Variants in RPH3AL observed in about 807,000 individuals in gnomAD.
The protein encoded by RPH3AL is rab effector Noc2.
Under a neutral mutation model 43.1 loss-of-function variants are expected in RPH3AL, and 38 were observed. That is an observed-to-expected ratio of 0.88 (90% CI 0.68 to 1.15). RPH3AL has a LOEUF of 1.15. Among genes scored for constraint, RPH3AL ranks in the 50% most tolerant of loss-of-function variants. The pLI, the probability that RPH3AL is intolerant of heterozygous loss-of-function variation, is 0.00. For synonymous variants in RPH3AL, 189 were observed against 176.3 expected (o/e 1.07, Z -0.57); for missense variants, 462 against 423.2 (o/e 1.09, Z -0.81).
intron 5 of RPH3AL, among the ~76,000 whole-genome samples, chr17:308,967 C>T (rs919201595): frequency 1.3e-5 from 2 of 152,146 alleles, no homozygotes; most frequent in Non-Finnish European, 2.9e-5. Context: ...CAAATCGCCA[C>T]CATCTCTAAG....
Position 283,188 on chromosome 17 carries a change from G to T in RPH3AL, c.352-1334C>A, listed in dbSNP as rs1175022924. Among the ~76,000 whole-genome samples the T allele has an allele frequency of 6.6e-6, 1 of 152,180 alleles. No individual in the cohort carries two copies. Among genetic ancestry groups the T allele is most frequent in the South Asian group, 2.1e-4 (1 of 4,834 alleles). ...TGCAGCCCCCCGCCGAGGGAAGGTTGCATCTGTTGCTTGGCCTTTTCTGCA... is the reference window on the plus strand; with the variant it reads ...TGCAGCCCCCCGCCGAGGGAAGGTTTCATCTGTTGCTTGGCCTTTTCTGCA... On this transcript the variant is annotated intron_variant, in intron 5 of 9. Coordinates refer to ENST00000331302, the MANE Select transcript of RPH3AL (RefSeq NM_006987.4). This position sits in a 1 kb window ranked among gnomAD's most constrained non-coding sequence, Gnocchi z 4.2.
At chr17:220,095 A>T (rs1407246826) in intron 7 of RPH3AL, among the ~76,000 whole-genome samples, 1 of 145,274 alleles carries the variant, frequency 6.9e-6, no homozygotes, top group African/African-American at 2.4e-5. Flanking sequence ...TGCAGGCACA[A>T]CAGATCTGAG....
intron 4 of RPH3AL, 112 bp from the exon 5 acceptor site, chr17:319,661 G>A (rs2044404800): frequency 7.6e-7 from 1 of 1,322,868 alleles, no homozygotes; most frequent in South Asian, 1.4e-5. Context: ...CTGGGATATT[G>A]TTCCTTGCCC....
At chr17:244,584 G>A (rs1256454698) in intron 7 of RPH3AL, among the ~76,000 whole-genome samples, 3 of 152,118 alleles carry the variant, frequency 2.0e-5, no homozygotes, top group Admixed American at 6.5e-5. Flanking sequence ...CGGGGCCCTC[G>A]GAGGCAGGGT....
chr17:327,801 T>C lies in RPH3AL; in HGVS notation c.-36-222A>G, dbSNP rs933841391. On this transcript the variant is annotated intron_variant, in intron 2 of 9. Transcript: ENST00000331302. ...TCTAGGAGGGTGACCAGGTGGATCA[T>C]GTGGCCGAGTGACAAGAGTGAACAT... Among the ~76,000 whole-genome samples, 38 of 152,174 alleles carry C rather than the reference T, an allele frequency of 2.5e-4. 1 individual carries two copies. Among genetic ancestry groups the C allele is most frequent in the African/African-American group, 9.2e-4 (38 of 41,452 alleles).
At chr17:253,027 T>G (rs1426601409) in intron 6 of RPH3AL, among the ~76,000 whole-genome samples, 1 of 151,948 alleles carries the variant, frequency 6.6e-6, no homozygotes, top group Non-Finnish European at 1.5e-5. Flanking sequence ...CTACAGTAAG[T>G]GTTTTTGGGG....
chr17:296,566 A>G (rs1307105575), intron 5 of RPH3AL, among the ~76,000 whole-genome samples: 1 of 152,154 alleles, frequency 6.6e-6, no homozygotes, highest in East Asian at 1.9e-4. Flanking sequence ...GAGATTCAGG[A>G]TGTCAAGCCC....
At chr17:303,126 T>C (rs1413458486) in intron 5 of RPH3AL, among the ~76,000 whole-genome samples, 3 of 152,206 alleles carry the variant, frequency 2.0e-5, no homozygotes, top group Non-Finnish European at 4.4e-5. Context: ...ATCGTTAAGG[T>C]TGGCGGCTCA....
chr17:316,971 C>T (rs553450826), intron 5 of RPH3AL, among the ~76,000 whole-genome samples: 2 of 136,216 alleles, frequency 1.5e-5, no homozygotes, highest in Non-Finnish European at 3.2e-5. Flanking sequence ...ACACCCACCT[C>T]CATTGACCTG....
chr17:278,264 C>T (rs2042701891), intron 6 of RPH3AL, among the ~76,000 whole-genome samples: 1 of 152,154 alleles, frequency 6.6e-6, no homozygotes, highest in African/African-American at 2.4e-5. Context: ...TCTTTGCCTG[C>T]CGCCATGTAA....
At chr17:231,381 C>G (rs768440729) in intron 7 of RPH3AL, among the ~76,000 whole-genome samples, 3 of 152,338 alleles carry the variant, frequency 2.0e-5, no homozygotes, top group Non-Finnish European at 4.4e-5. Flanking sequence ...CCTGCCTGCC[C>G]CTTCCTGTGT....
chr17:234,970 G>A (rs561938579), intron 7 of RPH3AL, among the ~76,000 whole-genome samples: 7 of 152,160 alleles, frequency 4.6e-5, no homozygotes, highest in African/African-American at 1.4e-4. Flanking sequence ...TGAATGGATC[G>A]GCTGGTATAA....
rs113340642 is a variant in RPH3AL, at chr17:263,145, G to A, written c.439-15860C>T. On this transcript the variant is annotated intron_variant, in intron 6 of 9. Transcript: ENST00000331302. ...TAAATTCTGGCAATCTACAACTAAA[G>A]ATACCATCTAGACAAGGAGGGAGGT... 4.7e-4 allele frequency among the ~76,000 whole-genome samples: 71 copies of A among 152,262 alleles called. 1 individual carries two copies. The highest frequency in any genetic ancestry group is 1.6e-3 in the African/African-American group (68 of 41,536).
intron 1 of RPH3AL, among the ~76,000 whole-genome samples, chr17:336,500 C>A (rs1020163752): frequency 6.6e-6 from 1 of 152,084 alleles, no homozygotes; most frequent in African/African-American, 2.4e-5. Context: ...CTGCTCGGGG[C>A]GGCTCCCCCT....
intron 5 of RPH3AL, among the ~76,000 whole-genome samples, chr17:291,633 T>C (rs982461983): frequency 1.3e-5 from 2 of 152,184 alleles, no homozygotes; most frequent in African/African-American, 4.8e-5. Flanking sequence ...TGCCACACAA[T>C]GTGCTCCTGA....
intron 5 of RPH3AL, among the ~76,000 whole-genome samples, chr17:315,306 G>C (rs1555519761): frequency 6.9e-6 from 1 of 143,908 alleles, no homozygotes; most frequent in Non-Finnish European, 1.5e-5. Flanking sequence ...CCAGTGACCT[G>C]TAGTCCCTGT....
At chr17:266,328 G>A (rs2042322408) in intron 6 of RPH3AL, among the ~76,000 whole-genome samples, 1 of 151,964 alleles carries the variant, frequency 6.6e-6, no homozygotes, top group Non-Finnish European at 1.5e-5. Context: ...GTGCATGCTG[G>A]TGAGCCAGGG....
intron 5 of RPH3AL, among the ~76,000 whole-genome samples, chr17:284,893 G>A (rs1395337141): frequency 3.9e-5 from 6 of 152,154 alleles, no homozygotes; most frequent in Admixed American, 3.3e-4. Flanking sequence ...GCGTACAGAC[G>A]GCAGCTTCTT....
rs1412982508 is a variant in RPH3AL at position 328,675 on chromosome 17, G to C, written c.-36-1096C>G. Among the ~76,000 whole-genome samples, 1 of 151,888 alleles carries C rather than the reference G, an allele frequency of 6.6e-6. No homozygotes were observed. The highest frequency in any genetic ancestry group is 2.4e-5 in the African/African-American group (1 of 41,226). Reference sequence around the variant, plus strand: ...AAAATATCCATCAACTGATGAATGAGGAAAATGTGCTATATCCATACGATG... The same window carrying C: ...AAAATATCCATCAACTGATGAATGACGAAAATGTGCTATATCCATACGATG... On this transcript the variant is annotated intron_variant, in intron 2 of 9. Transcript: ENST00000331302. This position sits in a 1 kb window ranked among gnomAD's most constrained non-coding sequence, Gnocchi z 4.2.
Sources: gnomAD v4.1 joint callset for allele counts (sites outside exome capture counted in the v4.1 genomes callset) on GRCh38, gnomAD v4.1.1 for gene constraint, Gnocchi (gnomAD v3.1) non-coding constraint, MANE v1.5 for transcripts, NCBI Gene and HGNC (gene_info 2026-07-23, HGNC 2026-07-21) for gene names.